Variants in IFT74 observed in about 807,000 individuals in gnomAD.
The protein encoded by IFT74 is intraflagellar transport 74.
IFT74 carries 92 observed loss-of-function variants against 96.7 expected under a neutral mutation model. The ratio of observed to expected loss-of-function variants is 0.95; its 90% CI spans 0.80 to 1.13. The LOEUF (loss-of-function observed/expected upper bound fraction) is 1.13, where lower values mean the gene tolerates loss of function less well. Among genes scored for constraint, IFT74 ranks in the 50% most tolerant of loss-of-function variants. IFT74 has a pLI of 0.00. For missense variants in IFT74, 811 were observed against 698.2 expected, an observed-to-expected ratio of 1.16 and a Z score of -1.82; for synonymous variants, 223 against 213.2, an observed-to-expected ratio of 1.05 and a Z score of -0.40.
At chr9:27,032,415 CT>C (rs1292678669) in intron 13 of IFT74, among the ~76,000 whole-genome samples, 1 of 152,138 alleles carries the variant, frequency 6.6e-6, no homozygotes, top group Non-Finnish European at 1.5e-5. Context: ...CCTTAATTAC[CT>C]AGAATTTCTG....
At position 27,055,622 on chromosome 9, in the gene IFT74, G is replaced by A. The variant is rs1820125746; in HGVS notation, c.1347G>A (p.Leu449=). The change falls in exon 17 of 20, where the codon CTG becomes CTA. Residue 449 remains leucine, a synonymous_variant. Coordinates refer to ENST00000380062, the MANE Select transcript of IFT74 (RefSeq NM_025103.4). ...AQNLTSDIQR[L]QLDLQKMELL... The stretch of plus-strand genomic sequence containing the variant: ...CTTATGTTTCAGACATTCAACGTCT[G>A]CAGTTGGATCTGCAGAAAATGGAGC... The A allele has an allele frequency of 4.4e-6, 7 of 1,576,622 alleles. No individual in the cohort carries two copies. Among genetic ancestry groups the A allele is most frequent in the Non-Finnish European group, 4.3e-6 (5 of 1,167,176 alleles).
chr9:27,052,018 A>G (rs961396465), intron 16 of IFT74, among the ~76,000 whole-genome samples: 2 of 152,162 alleles, frequency 1.3e-5, no homozygotes, highest in Non-Finnish European at 2.9e-5. Context: ...TTAGACCTTC[A>G]TGCCTAAGTT....
chr9:27,011,913 A>G lies in IFT74; in HGVS notation c.734A>G (p.Asp245Gly), dbSNP rs1829098413. 2 of 1,566,102 alleles carry G rather than the reference A, an allele frequency of 1.3e-6. No individual in the cohort carries two copies. The highest frequency in any genetic ancestry group is 4.6e-5 in the East Asian group (2 of 43,302). ...TTNEKLLQEL[D>G]TLQQQLDSQN... is the part of the protein sequence containing the mutation. ...TTTTTTTTTTCCACTTAGGAATTAGATACACTTCAACAACAATTGGATTCA... is the reference window on the plus strand; with the variant it reads ...TTTTTTTTTTCCACTTAGGAATTAGGTACACTTCAACAACAATTGGATTCA... Residue 245 changes from aspartate (D) to glycine (G), a missense_variant, in exon 10 of 20, where the codon GAT becomes GGT. By Grantham distance (94) the Asp-to-Gly change is moderately conservative. Transcript: ENST00000380062.
intron 10 of IFT74, among the ~76,000 whole-genome samples, chr9:27,012,880 C>A (rs1829172398): frequency 6.6e-6 from 1 of 151,708 alleles, no homozygotes; most frequent in Non-Finnish European, 1.5e-5. Context: ...CCACACCCAG[C>A]TAATTTTTTT....
At chr9:27,012,817 C>T (rs575431558) in intron 10 of IFT74, among the ~76,000 whole-genome samples, 33 of 146,946 alleles carry the variant, frequency 2.2e-4, no homozygotes, top group East Asian at 1.1e-3. Context: ...CCCAGGTTCA[C>T]GCCATTCTCC....
At chr9:27,010,081 G>T (rs143901942) in intron 9 of IFT74, among the ~76,000 whole-genome samples, 1 of 151,056 alleles carries the variant, frequency 6.6e-6, no homozygotes, top group African/African-American at 2.4e-5. Context: ...TACGCCTCCC[G>T]GGTTCATGCC....
At chr9:26,953,210 C>G (rs1322786851), upstream of IFT74, among the ~76,000 whole-genome samples, 2 of 152,104 alleles carry the variant, frequency 1.3e-5, no homozygotes, top group African/African-American at 4.8e-5. Context: ...TCATCAAATG[C>G]CTTCAGGTTA....
intron 1 of IFT74, among the ~76,000 whole-genome samples, chr9:26,961,360 G>A (rs1193960724): frequency 6.6e-6 from 1 of 151,972 alleles, no homozygotes; most frequent in Non-Finnish European, 1.5e-5. Context: ...AAAGTGCTGG[G>A]GTTACACGCG....
chr9:26,991,683 T>C (rs536006641), intron 8 of IFT74, among the ~76,000 whole-genome samples: 83 of 152,048 alleles, frequency 5.5e-4, no homozygotes, highest in Non-Finnish European at 1.1e-3. Context: ...TTAGCAAATA[T>C]TTATCATTTA....
chr9:27,046,103 A>T (rs902331217), intron 14 of IFT74, among the ~76,000 whole-genome samples: 1 of 152,194 alleles, frequency 6.6e-6, no homozygotes, highest in Non-Finnish European at 1.5e-5. Flanking sequence ...TTTTCCTTAA[A>T]AAATAACCCC....
upstream of IFT74, among the ~76,000 whole-genome samples, chr9:26,952,168 G>A (rs1297268457): frequency 6.6e-6 from 1 of 151,870 alleles, no homozygotes; most frequent in Non-Finnish European, 1.5e-5. Flanking sequence ...GTTTTCATAT[G>A]CTTTGAAATA....
intron 8 of IFT74, among the ~76,000 whole-genome samples, chr9:27,006,806 C>T (rs1034768517): frequency 6.4e-5 from 9 of 141,510 alleles, no homozygotes; most frequent in Middle Eastern, 7.5e-3. Context: ...TGAGTTTCAA[C>T]GTTTTTGTTT....
intron 9 of IFT74, among the ~76,000 whole-genome samples, chr9:27,010,493 T>TG (rs1299256777): frequency 1.3e-5 from 2 of 148,516 alleles, no homozygotes; most frequent in African/African-American, 5.0e-5. Context: ...TTGTTTTTTT[T>TG]TTTTTGTTTT....
intron 9 of IFT74, among the ~76,000 whole-genome samples, chr9:27,010,875 A>G (rs970798831): frequency 2.0e-5 from 3 of 152,216 alleles, no homozygotes; most frequent in Admixed American, 2.0e-4. Flanking sequence ...ATACTCAGTC[A>G]TGGTGGTTCC....
In IFT74 at chr9:27,016,892, C is replaced by A; in HGVS notation, c.790-15C>A. On this transcript the variant is annotated splice_polypyrimidine_tract_variant and intron_variant, in intron 10 of 19. Transcript: ENST00000380062. ...AAAATACTAATTAAAACTTTCCCTT[C>A]TTATTTTCCTTTAGGAAATAGCTCA... is the stretch of plus-strand genomic sequence containing the variant. The A allele has an allele frequency of 1.3e-6, 2 of 1,577,104 alleles. No individual in the cohort carries two copies. Among genetic ancestry groups the A allele is most frequent in the Non-Finnish European group, 1.7e-6 (2 of 1,166,868 alleles).
intron 9 of IFT74, among the ~76,000 whole-genome samples, chr9:27,011,645 GTTTT>G (rs56762171): frequency 1.5e-5 from 2 of 133,648 alleles, no homozygotes; most frequent in Non-Finnish European, 3.3e-5. Flanking sequence ...AACTCATGAA[GTTTT>G]TTTTTTTTTT....
Position 26,997,969 on chromosome 9 carries a change from T to C in IFT74, c.587+7774T>C. ...ATAACTGTTTTAGTTTATTTAAGCC[T>C]AAAAATGCACCCTGTTGAATTACAT... On this transcript the variant is annotated intron_variant, in intron 8 of 19. Coordinates refer to ENST00000380062, the MANE Select transcript of IFT74 (RefSeq NM_025103.4). The C allele has an allele frequency of 1.2e-6, 2 of 1,613,942 alleles. 1 individual carries two copies.
intron 8 of IFT74, among the ~76,000 whole-genome samples, chr9:26,996,922 C>A (rs1257752041): frequency 6.6e-6 from 1 of 152,114 alleles, no homozygotes; most frequent in Non-Finnish European, 1.5e-5. Context: ...AGAACATTTA[C>A]ATTTCTGGCC....
At chr9:27,036,217 G>A (rs1221362774) in intron 13 of IFT74, among the ~76,000 whole-genome samples, 4 of 152,136 alleles carry the variant, frequency 2.6e-5, no homozygotes, top group South Asian at 4.1e-4. Context: ...GTTTGGTCTT[G>A]CTATCTCAGG....
Sources: allele counts gnomAD v4.1 joint callset (sites outside exome capture counted in the v4.1 genomes callset), GRCh38; gene constraint gnomAD v4.1.1; transcripts MANE v1.5; gene names NCBI Gene and HGNC (gene_info 2026-07-23, HGNC 2026-07-21).